MOSMO: variants seen among roughly 807,000 people sequenced by gnomAD.
MOSMO encodes the protein modulator of smoothened.
In MOSMO, 5 loss-of-function variants were observed where a neutral mutation model predicts 18.4. That is an observed-to-expected ratio of 0.27 (90% confidence interval 0.14 to 0.57). The LOEUF is 0.57. Ranked by LOEUF, MOSMO falls within the 20% of genes least tolerant of loss-of-function variation. MOSMO has a pLI of 0.92. For missense variants in MOSMO, 138 were observed against 211.8 expected (o/e 0.65, Z 2.16); for synonymous variants, 82 against 82.3 (o/e 1.00, Z 0.02).
At chr16:22,024,016 T>TATATATATATATATATATATATA (rs57968547) in intron 1 of MOSMO, among the ~76,000 whole-genome samples, 63 of 145,548 alleles carry the variant, frequency 4.3e-4, no homozygotes, top group African/African-American at 1.2e-3. Flanking sequence ...TATATATATA[T>TATATATATATATATATATATATA]TTTCTTAAGA....
chr16:22,024,614 C>T (rs1204043690), intron 1 of MOSMO, among the ~76,000 whole-genome samples: 2 of 152,146 alleles, frequency 1.3e-5, no homozygotes, highest in African/African-American at 2.4e-5. Context: ...ATCTGCCCAC[C>T]TCAGCCTCCC....
intron 1 of MOSMO, among the ~76,000 whole-genome samples, chr16:22,043,421 C>T (rs995196728): frequency 8.5e-5 from 13 of 152,102 alleles, no homozygotes; most frequent in Non-Finnish European, 1.5e-4. Flanking sequence ...CTTTACATTG[C>T]TCACATGGAT....
At chr16:22,080,534 G>A (rs1901058618) in intron 2 of MOSMO, among the ~76,000 whole-genome samples, 162 bp from the exon 3 acceptor site, 1 of 152,120 alleles carries the variant, frequency 6.6e-6, no homozygotes, top group South Asian at 2.1e-4. Context: ...TAGGCTTCAG[G>A]GATACTATGT....
intron 1 of MOSMO, among the ~76,000 whole-genome samples, chr16:22,020,779 A>G (rs1328896468): frequency 6.6e-6 from 1 of 152,228 alleles, no homozygotes; most frequent in African/African-American, 2.4e-5. Context: ...TTCAAAAGAT[A>G]AAAAGGAACA....
intron 2 of MOSMO, among the ~76,000 whole-genome samples, chr16:22,080,157 C>T (rs1331850424): frequency 1.3e-5 from 2 of 152,190 alleles, no homozygotes; most frequent in Non-Finnish European, 2.9e-5. Context: ...AATTCCTTCT[C>T]ACTAACACTG....
chr16:22,069,954 T>C lies in MOSMO; in HGVS notation c.107-5533T>C, dbSNP rs117052065. On this transcript the variant is annotated intron_variant, in intron 1 of 2. Transcript: ENST00000542527. ...AGATATGAAAAGAGAAAATAATGTA[T>C]TGGGCAAGATCCCAAAGAAGGGGAG... Among the ~76,000 whole-genome samples the C allele has an allele frequency of 1.8e-3, 277 of 152,234 alleles. 1 individual carries two copies. The highest frequency in any genetic ancestry group is 0.014 in the Middle Eastern group (4 of 294).
chr16:22,011,384 G>C (rs978046169), intron 1 of MOSMO, among the ~76,000 whole-genome samples: 4 of 152,222 alleles, frequency 2.6e-5, no homozygotes, highest in African/African-American at 9.6e-5. Flanking sequence ...GCAACAAAAT[G>C]ACAGAGCAGC....
At chr16:22,076,828 G>A (rs148813585) in intron 2 of MOSMO, among the ~76,000 whole-genome samples, 13 of 152,172 alleles carry the variant, frequency 8.5e-5, no homozygotes, top group South Asian at 6.2e-4. Context: ...ACTCTTTAAT[G>A]TGTATGTTTC....
downstream of MOSMO, among the ~76,000 whole-genome samples, chr16:22,088,538 A>G (rs1901231658): frequency 6.6e-6 from 1 of 152,226 alleles, no homozygotes; most frequent in African/African-American, 2.4e-5. Context: ...CTGACATTCT[A>G]ACTGAAGCGT....
chr16:22,010,001 AAAAG>A (rs985334308), intron 1 of MOSMO, among the ~76,000 whole-genome samples: 2 of 151,954 alleles, frequency 1.3e-5, no homozygotes, highest in South Asian at 2.1e-4. Flanking sequence ...AAAAAAAAGA[AAAAG>A]AAAAGCATCA....
downstream of MOSMO, chr16:22,087,116 CT>C (rs1215088998): frequency 1.3e-5 from 2 of 152,238 alleles, no homozygotes; most frequent in African/African-American, 4.8e-5. Flanking sequence ...AACACTGTTA[CT>C]GTACAGAGAG....
intron 1 of MOSMO, among the ~76,000 whole-genome samples, chr16:22,014,343 C>T (rs562479668): frequency 6.6e-6 from 1 of 152,220 alleles, no homozygotes; most frequent in South Asian, 2.1e-4. Context: ...AAGGAGAAAG[C>T]CTTATGTGTT....
At chr16:22,044,622 C>G (rs1900272869) in intron 1 of MOSMO, among the ~76,000 whole-genome samples, 1 of 152,068 alleles carries the variant, frequency 6.6e-6, no homozygotes, top group South Asian at 2.1e-4. Flanking sequence ...CACTTCTGGT[C>G]CCAATCATTT....
downstream of MOSMO, among the ~76,000 whole-genome samples, chr16:22,091,752 CT>C (rs1901335354): frequency 1.3e-5 from 2 of 152,158 alleles, no homozygotes; most frequent in South Asian, 2.1e-4. Context: ...AAAGTGAAAA[CT>C]GATTTGAGAA....
At chr16:22,014,521 G>T (rs1372553619) in intron 1 of MOSMO, among the ~76,000 whole-genome samples, 1 of 152,124 alleles carries the variant, frequency 6.6e-6, no homozygotes, top group Admixed American at 6.5e-5. Context: ...TCAGATAAGG[G>T]ACTGTGGTGC....
chr16:22,030,682 C>T (rs1420759836), intron 1 of MOSMO, among the ~76,000 whole-genome samples: 1 of 152,086 alleles, frequency 6.6e-6, no homozygotes, highest in Non-Finnish European at 1.5e-5. Flanking sequence ...GGCATGCTCA[C>T]CACACCTGGC....
At chr16:22,067,794 G>A (rs1373158237) in intron 1 of MOSMO, among the ~76,000 whole-genome samples, 8 of 152,016 alleles carry the variant, frequency 5.3e-5, no homozygotes, top group South Asian at 2.1e-4. Flanking sequence ...TAGGAGGATC[G>A]CTTGAAACCT....
chr16:22,025,920 G>C (rs1203860079), intron 1 of MOSMO, among the ~76,000 whole-genome samples: 1 of 152,108 alleles, frequency 6.6e-6, no homozygotes, highest in Non-Finnish European at 1.5e-5. Context: ...AACACCCTCT[G>C]TAATTATTAG....
intron 1 of MOSMO, among the ~76,000 whole-genome samples, chr16:22,070,479 G>A (rs1900826843): frequency 6.6e-6 from 1 of 152,076 alleles, no homozygotes; most frequent in Admixed American, 6.5e-5. Flanking sequence ...AGGAAAGTGA[G>A]AGACTGGGAG....
Sources: gnomAD v4.1 joint callset for allele counts (sites outside exome capture counted in the v4.1 genomes callset) on GRCh38, gnomAD v4.1.1 for gene constraint, MANE v1.5 for transcripts, NCBI Gene and HGNC (gene_info 2026-07-23, HGNC 2026-07-21) for gene names.